Variants in PIP4K2A observed in about 807,000 individuals in gnomAD.
PIP4K2A encodes the protein phosphatidylinositol-5-phosphate 4-kinase type 2 alpha.
In PIP4K2A, 14 loss-of-function variants were observed where a neutral mutation model predicts 42.9. That is an observed-to-expected ratio of 0.33 (90% CI 0.22 to 0.51). The LOEUF is 0.51. Ranked by LOEUF, PIP4K2A falls within the 20% of genes least tolerant of loss-of-function variation. The pLI is 0.97. For synonymous variants in PIP4K2A, 192 were observed against 192.2 expected (o/e 1.00, Z 0.01); for missense variants, 434 against 519.8 (o/e 0.83, Z 1.61).
In PIP4K2A at chr10:22,560,532, G is replaced by A. The variant is rs73598566; in HGVS notation, c.678+7319C>T. ...TGGTAATAGGTAAAACGTCGGAGAC[G>A]GTGACAGTCACTTAATTGCTGGTGC... On this transcript the variant is annotated intron_variant, in intron 6 of 9. Coordinates refer to ENST00000376573, the MANE Select transcript of PIP4K2A (RefSeq NM_005028.5). 2.2e-3 allele frequency among the ~76,000 whole-genome samples: 328 copies of A among 152,346 alleles called. 1 individual carries two copies. The highest frequency in any genetic ancestry group is 7.5e-3 in the African/African-American group (312 of 41,588).
chr10:22,541,229 C>G (rs1359024363), intron 8 of PIP4K2A, among the ~76,000 whole-genome samples: 2 of 152,170 alleles, frequency 1.3e-5, no homozygotes, highest in African/African-American at 2.4e-5. Context: ...GAGCCAGACT[C>G]AGCAGCAAAT....
chr10:22,659,953 G>A (rs1164392103), intron 1 of PIP4K2A, among the ~76,000 whole-genome samples: 3 of 152,190 alleles, frequency 2.0e-5, no homozygotes, highest in South Asian at 4.1e-4. Context: ...TAGCTTAAAC[G>A]TCATTTATCA....
intron 1 of PIP4K2A, among the ~76,000 whole-genome samples, chr10:22,705,102 G>A (rs1056711542): frequency 1.3e-5 from 2 of 151,966 alleles, no homozygotes; most frequent in South Asian, 2.1e-4. Context: ...CGGGGTGGGG[G>A]AAGTGGGGGA....
At chr10:22,663,235 C>T (rs934832361) in intron 1 of PIP4K2A, among the ~76,000 whole-genome samples, 2 of 152,174 alleles carry the variant, frequency 1.3e-5, no homozygotes, top group African/African-American at 4.8e-5. Context: ...TTTGTTGTGA[C>T]TGTAACATAG....
intron 3 of PIP4K2A, among the ~76,000 whole-genome samples, chr10:22,593,881 G>C (rs1239876526): frequency 6.6e-6 from 1 of 152,202 alleles, no homozygotes; most frequent in African/African-American, 2.4e-5. Context: ...TAGTAAAGGA[G>C]AACTGTATTC....
intron 6 of PIP4K2A, among the ~76,000 whole-genome samples, chr10:22,551,192 G>C (rs1249175746): frequency 6.6e-6 from 1 of 151,988 alleles, no homozygotes; most frequent in East Asian, 1.9e-4. Flanking sequence ...CCCACTTTTG[G>C]GGAGCCGTTG....
intron 6 of PIP4K2A, among the ~76,000 whole-genome samples, chr10:22,562,287 G>A (rs1048449956): frequency 4.6e-5 from 7 of 152,324 alleles, no homozygotes; most frequent in African/African-American, 1.4e-4. Context: ...GGTGGCTAAT[G>A]CCTGTAATCC....
At chr10:22,643,869 A>ACAC (rs1378811039) in intron 1 of PIP4K2A, among the ~76,000 whole-genome samples, 7 of 151,930 alleles carry the variant, frequency 4.6e-5, no homozygotes, top group African/African-American at 1.7e-4. Context: ...CCATCACATT[A>ACAC]CACCACGCCT....
intron 1 of PIP4K2A, among the ~76,000 whole-genome samples, chr10:22,699,187 T>A (rs1490720767): frequency 6.6e-6 from 1 of 152,164 alleles, no homozygotes; most frequent in Admixed American, 6.5e-5. Context: ...AGAAACAATA[T>A]CTGTTTCCCA....
chr10:22,564,135 T>A (rs1836778136), intron 6 of PIP4K2A, among the ~76,000 whole-genome samples: 1 of 152,222 alleles, frequency 6.6e-6, no homozygotes, highest in Non-Finnish European at 1.5e-5. Flanking sequence ...GGAAAGTGTG[T>A]TAAGTCCTAT....
At chr10:22,601,128 C>G (rs2559521) in intron 3 of PIP4K2A, among the ~76,000 whole-genome samples, 2 of 53,360 alleles carry the variant, frequency 3.7e-5, no homozygotes, top group African/African-American at 1.4e-4. Context: ...GCGAGACTGT[C>G]TCAAAAAAAA....
chr10:22,542,679 G>A (rs1029645949), intron 7 of PIP4K2A, among the ~76,000 whole-genome samples: 1 of 152,208 alleles, frequency 6.6e-6, no homozygotes, highest in Non-Finnish European at 1.5e-5. Flanking sequence ...AGAACATAAT[G>A]TGGGGGCAAG....
intron 6 of PIP4K2A, among the ~76,000 whole-genome samples, chr10:22,554,565 G>GGGCTA (rs1322124480): frequency 9.9e-5 from 15 of 152,214 alleles, no homozygotes; most frequent in Non-Finnish European, 1.8e-4. Context: ...GAAACCCCCA[G>GGGCTA]GGCTAACTAA....
chr10:22,664,129 AC>A (rs1331031695), intron 1 of PIP4K2A, among the ~76,000 whole-genome samples: 2 of 62,918 alleles, frequency 3.2e-5, no homozygotes, highest in Admixed American at 4.0e-4. Context: ...ATATATATAT[AC>A]ATATATATAT....
At chr10:22,555,225 G>A (rs1836507595) in intron 6 of PIP4K2A, among the ~76,000 whole-genome samples, 1 of 152,162 alleles carries the variant, frequency 6.6e-6, no homozygotes, top group South Asian at 2.1e-4. Context: ...ACTAGATCCA[G>A]GCTGCCTGGG....
intron 1 of PIP4K2A, among the ~76,000 whole-genome samples, chr10:22,709,819 T>A (rs73598596): frequency 0.038 from 5,837 of 152,216 alleles, 374 homozygotes; most frequent in African/African-American, 0.13. Context: ...ACTTTCTGTA[T>A]GTCTGCTTGG....
intron 1 of PIP4K2A, among the ~76,000 whole-genome samples, chr10:22,614,456 G>A (rs143347091): frequency 6.6e-6 from 1 of 152,104 alleles, no homozygotes; most frequent in African/African-American, 2.4e-5. Context: ...CTTCCAGGTG[G>A]CCTTTCATTC....
chr10:22,681,150 A>T (rs1839653160), intron 1 of PIP4K2A, among the ~76,000 whole-genome samples: 2 of 152,200 alleles, frequency 1.3e-5, no homozygotes, highest in Non-Finnish European at 2.9e-5. Context: ...CGTTCTCAGC[A>T]TAAAAGTGTC....
chr10:22,672,067 C>G (rs181661458), intron 1 of PIP4K2A, among the ~76,000 whole-genome samples: 1 of 152,230 alleles, frequency 6.6e-6, no homozygotes, highest in Non-Finnish European at 1.5e-5. Flanking sequence ...TATATCATAA[C>G]CTGAAGCACT....
Sources: allele counts gnomAD v4.1 joint callset (sites outside exome capture counted in the v4.1 genomes callset), GRCh38; gene constraint gnomAD v4.1.1; transcripts MANE v1.5; gene names NCBI Gene and HGNC (gene_info 2026-07-23, HGNC 2026-07-21).